CLVS1: variants seen among roughly 807,000 people sequenced by gnomAD.
The protein encoded by CLVS1 is clavesin 1.
Under a neutral mutation model 33.1 loss-of-function variants are expected in CLVS1, and 10 were observed. The ratio of observed to expected loss-of-function variants is 0.30; its 90% confidence interval spans 0.19 to 0.51. CLVS1 has a LOEUF of 0.51. Ranked by LOEUF, CLVS1 falls within the 20% of genes least tolerant of loss-of-function variation. The probability of loss-of-function intolerance (pLI) is 0.97; values close to 1 mark genes in which losing one functional copy is unlikely to be tolerated. For synonymous variants in CLVS1, 163 were observed against 166.1 expected (o/e 0.98, Z 0.14); for missense variants, 343 against 433.4 (o/e 0.79, Z 1.85).
At chr8:61,244,363 A>G (rs941564524) in intron 2 of CLVS1, among the ~76,000 whole-genome samples, 1 of 152,190 alleles carries the variant, frequency 6.6e-6, no homozygotes, top group African/African-American at 2.4e-5. Flanking sequence ...CTCCATAAAA[A>G]AATTATTAGA....
intron 1 of CLVS1, among the ~76,000 whole-genome samples, chr8:61,086,004 C>T (rs1363441741): frequency 7.5e-6 from 1 of 133,750 alleles, no homozygotes; most frequent in Non-Finnish European, 1.5e-5. Flanking sequence ...CCACTGCACT[C>T]CAGCCTGGGC....
the CLVS1 span, among the ~76,000 whole-genome samples, chr8:61,011,130 A>G: frequency 3.9e-5 from 6 of 152,198 alleles, no homozygotes; most frequent in Non-Finnish European, 7.3e-5. Flanking sequence ...TCGCTTGTGC[A>G]GACGAAATTA....
At chr8:61,050,482 G>A in the CLVS1 span, among the ~76,000 whole-genome samples, 1 of 152,212 alleles carries the variant, frequency 6.6e-6, no homozygotes, top group African/African-American at 2.4e-5. Context: ...ATTTGACTAG[G>A]ACACAGTGTG....
intron 1 of CLVS1, among the ~76,000 whole-genome samples, chr8:61,088,832 C>T (rs529991044): frequency 5.2e-4 from 77 of 147,366 alleles, no homozygotes; most frequent in African/African-American, 1.6e-3. Flanking sequence ...GATGGAGTCT[C>T]GCTCTGTCGC....
intron 2 of CLVS1, among the ~76,000 whole-genome samples, chr8:61,169,833 C>T (rs887315371): frequency 6.6e-6 from 1 of 152,118 alleles, no homozygotes; most frequent in Non-Finnish European, 1.5e-5. Flanking sequence ...TATGCCTTTT[C>T]TCCTGTTAAT....
At chr8:61,418,076 G>T (rs1176492998) in intron 3 of CLVS1, among the ~76,000 whole-genome samples, 1 of 152,236 alleles carries the variant, frequency 6.6e-6, no homozygotes, top group African/African-American at 2.4e-5. Context: ...ATCTGGAAGG[G>T]AGCCCGGCTC....
the CLVS1 span, among the ~76,000 whole-genome samples, chr8:61,017,110 G>T: frequency 2.0e-5 from 3 of 152,202 alleles, no homozygotes; most frequent in African/African-American, 7.2e-5. Flanking sequence ...CATCACATTA[G>T]GCCAGGGCTG....
the CLVS1 span, among the ~76,000 whole-genome samples, chr8:61,028,318 T>C: frequency 0.017 from 2,625 of 152,286 alleles, 74 homozygotes; most frequent in African/African-American, 0.059. Flanking sequence ...GTAATATGAA[T>C]TGATTGTTAA....
At chr8:61,392,842 C>CAAAAAAAAAAAAAAAAAAA (rs570764748) in intron 3 of CLVS1, among the ~76,000 whole-genome samples, 8 of 149,552 alleles carry the variant, frequency 5.3e-5, no homozygotes, top group African/African-American at 1.5e-4. Context: ...GACTCTGTCT[C>CAAAAAAAAAAAAAAAAAAA]AAAAAAAACA....
At chr8:61,460,883 T>C (rs1408578678) in intron 5 of CLVS1, among the ~76,000 whole-genome samples, 2 of 152,216 alleles carry the variant, frequency 1.3e-5, no homozygotes, top group African/African-American at 4.8e-5. Context: ...AACCGTTTCA[T>C]CTCCTATTAC....
At chr8:61,250,656 G>A (rs1808922335) in intron 2 of CLVS1, among the ~76,000 whole-genome samples, 1 of 151,968 alleles carries the variant, frequency 6.6e-6, no homozygotes, top group Non-Finnish European at 1.5e-5. Context: ...TGTATTCCTA[G>A]GTATTTTATT....
intron 1 of CLVS1, among the ~76,000 whole-genome samples, chr8:61,098,212 C>T (rs1306477418): frequency 6.6e-6 from 1 of 152,030 alleles, no homozygotes; most frequent in African/African-American, 2.4e-5. Context: ...CGCAGAGAAA[C>T]AGCTCATATT....
At chr8:61,149,795 T>G (rs1267932135) in intron 2 of CLVS1, among the ~76,000 whole-genome samples, 2 of 152,106 alleles carry the variant, frequency 1.3e-5, no homozygotes, top group African/African-American at 4.8e-5. Context: ...AGCCCAAAAC[T>G]AGAAGGTGAA....
At chr8:61,467,058 T>G (rs1271999873) in intron 5 of CLVS1, among the ~76,000 whole-genome samples, 1 of 152,208 alleles carries the variant, frequency 6.6e-6, no homozygotes. Flanking sequence ...TGTATCTGTA[T>G]GTATACACAC....
chr8:61,417,660 A>T (rs2129604438), intron 3 of CLVS1, among the ~76,000 whole-genome samples: 1 of 152,374 alleles, frequency 6.6e-6, no homozygotes, highest in African/African-American at 2.4e-5. Context: ...ACAGAGAATC[A>T]GGTCAGAAAA....
chr8:61,376,965 CATTA>C (rs1422328131), intron 3 of CLVS1, 186 bp downstream of exon 3: 14 of 528,542 alleles, frequency 2.6e-5, no homozygotes, highest in Non-Finnish European at 4.6e-5. Context: ...CTTTCATTTT[CATTA>C]ATAACTCCAA....
rs558537236 is a variant in CLVS1, at chr8:61,157,198, C to A, written c.-152+25338C>A. Reference sequence around the variant, plus strand: ...GATTCTGACCCCTGCTAAGGGTAGGCTCTTTTTTTTGCATAAAACACATAA... The same window carrying A: ...GATTCTGACCCCTGCTAAGGGTAGGATCTTTTTTTTGCATAAAACACATAA... On this transcript the variant is annotated intron_variant, in intron 2 of 2. Coordinates refer to the CLVS1 transcript ENST00000522621. Among the ~76,000 whole-genome samples the A allele has an allele frequency of 5.3e-5, 8 of 152,252 alleles. No homozygotes were observed. The South Asian group carries it at 1.2e-3, about 24-fold the overall frequency.
intron 2 of CLVS1, among the ~76,000 whole-genome samples, chr8:61,142,838 G>A (rs1015766555): frequency 6.6e-6 from 1 of 152,172 alleles, no homozygotes; most frequent in Non-Finnish European, 1.5e-5. Flanking sequence ...TTTTCATAGA[G>A]CAAGTGAACC....
intron 2 of CLVS1, among the ~76,000 whole-genome samples, chr8:61,365,700 A>G (rs925937763): frequency 6.6e-6 from 1 of 152,028 alleles, no homozygotes; most frequent in Non-Finnish European, 1.5e-5. Context: ...GGAATAATTA[A>G]AGAATCATCT....
Sources: allele counts gnomAD v4.1 joint callset (sites outside exome capture counted in the v4.1 genomes callset), GRCh38; gene constraint gnomAD v4.1.1; transcripts MANE v1.5; gene names NCBI Gene and HGNC (gene_info 2026-07-23, HGNC 2026-07-21).